Variants in MRI1 observed in about 807,000 individuals in gnomAD.
MRI1 encodes methylthioribose-1-phosphate isomerase.
In MRI1, 32 loss-of-function variants were observed where a neutral mutation model predicts 27.3. The ratio of observed to expected loss-of-function variants is 1.17; its 90% CI spans 0.88 to 1.57. The LOEUF (loss-of-function observed/expected upper bound fraction) is 1.57. Among genes scored for constraint, MRI1 ranks in the 40% most tolerant of loss-of-function variants. The pLI is 0.00. For synonymous variants in MRI1, 216 were observed against 227.4 expected (o/e 0.95, Z 0.45); for missense variants, 508 against 516.1 (o/e 0.98, Z 0.15).
chr19:13,768,324 G>C (rs1312152460), intron 3 of MRI1: 4 of 1,037,086 alleles, frequency 3.9e-6, no homozygotes, highest in Non-Finnish European at 5.9e-6. Context: ...TGATATATCA[G>C]GGAAGGCTTC....
Position 13,764,914 on chromosome 19 carries a change from T to A in MRI1, c.176T>A (p.Leu59His). The change falls in exon 2 of 6, where the codon CTC (leucine) becomes CAC (histidine). Residue 59 changes from leucine (L) to histidine (H), a missense_variant. Leu to His is a moderately conservative substitution (Grantham distance 99). Around this residue, in one of 3 missense-constraint regions of MRI1, gnomAD observed 457 missense variants for 452.8 expected, o/e 1.01. Transcript: ENST00000040663. ...PAIALVGCLSLAVELQAGAGG... is the reference protein window; with the variant it reads ...PAIALVGCLSHAVELQAGAGG... ...ATAGCCCTGGTGGGCTGTCTCAGCC[T>A]CGCCGTGGAGCTGCAGGCGGGCGCC... The A allele has an allele frequency of 6.8e-7, 1 of 1,481,146 alleles. No individual in the cohort carries two copies. The highest frequency in any genetic ancestry group is 8.9e-7 in the Non-Finnish European group (1 of 1,121,052). 91.8% of individuals were successfully genotyped at this position (1,481,146 alleles called of 1,614,324 possible). A position where few individuals can be genotyped will look rare whatever the true frequency, so the allele number is the denominator to read the frequency against.
At chr19:13,765,661 C>G (rs1599550424) in intron 2 of MRI1, among the ~76,000 whole-genome samples, 2 of 152,320 alleles carry the variant, frequency 1.3e-5, no homozygotes, top group Non-Finnish European at 2.9e-5. Context: ...CCGGCTTTTC[C>G]TTCATTTTAT....
At chr19:13,769,110 T>TATGC in intron 5 of MRI1, 62 bp downstream of exon 5, 6 of 1,363,378 alleles carry the variant, frequency 4.4e-6, no homozygotes, top group Non-Finnish European at 6.1e-6. Context: ...AGGCAGGTGA[T>TATGC]ATGCAGGTCC....
In MRI1 at chr19:13,768,544, G is replaced by A. The variant is rs778037396; in HGVS notation, c.548-17G>A. 6 of 1,598,530 alleles carry A rather than the reference G, an allele frequency of 3.8e-6. No individual in the cohort carries two copies. In the African/African-American group the frequency reaches 5.4e-5, roughly 14 times the overall value. ...CCCCTCCCCGGGGCCTTCTCCTGGT[G>A]GGTGGGGCCCCCGCAGGTGTGATTC... is the stretch of plus-strand genomic sequence containing the variant. On this transcript the variant is annotated splice_polypyrimidine_tract_variant and intron_variant, in intron 3 of 5. Coordinates refer to ENST00000040663, the MANE Select transcript of MRI1 (RefSeq NM_001031727.4).
chr19:13,770,771 T>C (rs1323780219), intron 5 of MRI1, among the ~76,000 whole-genome samples: 1 of 151,904 alleles, frequency 6.6e-6, no homozygotes, highest in Non-Finnish European at 1.5e-5. Flanking sequence ...TAACCCCAGC[T>C]ACTCAGGAGG....
chr19:13,765,807 G>A (rs1974108905), intron 2 of MRI1, 147 bp from the exon 3 acceptor site: 2 of 790,296 alleles, frequency 2.5e-6, no homozygotes, highest in Non-Finnish European at 4.0e-6. Flanking sequence ...GTGACACTTC[G>A]GTGGCCCTGG....
intron 5 of MRI1, among the ~76,000 whole-genome samples, chr19:13,770,815 G>A (rs188726843): frequency 5.9e-5 from 9 of 151,734 alleles, no homozygotes; most frequent in African/African-American, 1.9e-4. Context: ...CCCGGGAGGC[G>A]GAGGTTGCAA....
Position 13,768,702 on chromosome 19 carries a change from T to C in MRI1, c.689T>C (p.Met230Thr). Reference protein sequence around the residue: ...QIPATLITDSMVAAAMAHRGV... With the variant: ...QIPATLITDSTVAAAMAHRGV... ...CCCGCCACCCTTATCACCGACAGCA[T>C]GGTGGCTGCTGCCATGGCCCATAGG... Residue 230 changes from methionine (M) to threonine (T), a missense_variant, in exon 4 of 6, where the codon ATG (methionine) becomes ACG (threonine). Met to Thr is a moderately conservative substitution (Grantham distance 81, BLOSUM62 -1). This residue lies in a region of MRI1 where 457 missense variants were observed against 452.8 expected (regional missense o/e 1.01). Coordinates refer to ENST00000040663, the MANE Select transcript of MRI1 (RefSeq NM_001031727.4). The C allele has an allele frequency of 1.9e-6, 3 of 1,613,912 alleles. No homozygotes were observed. The highest frequency in any genetic ancestry group is 2.5e-6 in the Non-Finnish European group (3 of 1,180,002).
rs368436044 is a variant in MRI1, at chr19:13,765,970, G to A, written c.388G>A (p.Glu130Lys). Residue 130 changes from glutamate (E) to lysine (K), a missense_variant, in exon 3 of 6, where the codon GAG becomes AAG. Coordinates refer to ENST00000040663, the MANE Select transcript of MRI1 (RefSeq NM_001031727.4). ...AVRERVICCT[E>K]DMLEKDLRDN... ...TCACCCCAGAGTGATCTGCTGCACC[G>A]AGGACATGCTGGAGAAAGACCTCAG... is the stretch of plus-strand genomic sequence containing the variant. 3.1e-5 allele frequency: 49 copies of A among 1,606,344 alleles called. No homozygotes were observed. The highest frequency in any genetic ancestry group is 3.9e-5 in the Non-Finnish European group (46 of 1,175,984).
intron 2 of MRI1, among the ~76,000 whole-genome samples, 178 bp downstream of exon 2, chr19:13,765,287 C>G (rs1974098119): frequency 6.6e-6 from 1 of 152,138 alleles, no homozygotes. Context: ...GTCCAGGGCC[C>G]CACAGATGGG....
intron 3 of MRI1, among the ~76,000 whole-genome samples, chr19:13,766,479 G>A (rs954577338): frequency 6.6e-6 from 1 of 152,154 alleles, no homozygotes; most frequent in Non-Finnish European, 1.5e-5. Context: ...CCATCCCAGA[G>A]CAGTCATTCG....
Position 13,768,697 on chromosome 19 carries a change from C to A in MRI1, c.684C>A (p.Asp228Glu), listed in dbSNP as rs766937151. ...YEQIPATLIT[D>E]SMVAAAMAHR... is the part of the protein sequence containing the mutation. ...AGATCCCCGCCACCCTTATCACCGA[C>A]AGCATGGTGGCTGCTGCCATGGCCC... The change falls in exon 4 of 6, where the codon GAC becomes GAA. Residue 228 changes from aspartate to glutamate, a missense_variant. Physicochemically the swap from Asp to Glu is conservative, Grantham distance 45. Around this residue, in one of 3 missense-constraint regions of MRI1, gnomAD observed 457 missense variants for 452.8 expected, o/e 1.01. Transcript: ENST00000040663. 6.2e-7 allele frequency: 1 copy of A among 1,613,994 alleles called. No individual in the cohort carries two copies. The highest frequency in any genetic ancestry group is 8.5e-7 in the Non-Finnish European group (1 of 1,180,020).
intron 3 of MRI1, 109 bp downstream of exon 3, chr19:13,766,238 G>A (rs1355829614): frequency 6.5e-6 from 7 of 1,078,938 alleles, no homozygotes; most frequent in Non-Finnish European, 9.0e-6. Context: ...AAATGGGAAG[G>A]TACTAGTTCT....
At chr19:13,765,419 G>A (rs1456717525) in intron 2 of MRI1, among the ~76,000 whole-genome samples, 1 of 151,214 alleles carries the variant, frequency 6.6e-6, no homozygotes, top group African/African-American at 2.5e-5. Context: ...GTGTTCTCTT[G>A]GTTTCTGCTT....
chr19:13,771,681 G>GA (rs377236713), intron 5 of MRI1, among the ~76,000 whole-genome samples: 5 of 152,154 alleles, frequency 3.3e-5, no homozygotes, highest in Admixed American at 6.6e-5. Flanking sequence ...GACCAACATG[G>GA]AAAAACCTCG....
At chr19:13,766,619 G>A (rs972660820) in intron 3 of MRI1, among the ~76,000 whole-genome samples, 1 of 152,082 alleles carries the variant, frequency 6.6e-6, no homozygotes, top group African/African-American at 2.4e-5. Flanking sequence ...TGGGCTGTAG[G>A]GGGCCAAGGC....
Position 13,768,883 on chromosome 19 carries a change from AC to A in MRI1, c.786del (p.Tyr263ThrfsTer43). 6.2e-7 allele frequency: 1 copy of A among 1,613,844 alleles called. No homozygotes were observed. The highest frequency in any genetic ancestry group is 8.5e-7 in the Non-Finnish European group (1 of 1,179,850). On this transcript the variant is annotated frameshift_variant, in exon 5 of 6. Transcript: ENST00000040663. LOFTEE classifies it high-confidence loss of function. Reference protein sequence around the residue: ...ANGDTANKVGTYQLAIVAKHH... With the variant: ...ANGDTANKVGXYQLAIVAKHH... Reference sequence around the variant, plus strand: ...CGGCGACACAGCCAACAAGGTGGGCACCTACCAGCTGGCCATTGTCGCCAAG... The same window carrying A: ...CGGCGACACAGCCAACAAGGTGGGCACTACCAGCTGGCCATTGTCGCCAAG...
intron 3 of MRI1, among the ~76,000 whole-genome samples, chr19:13,767,930 G>T (rs1256304789): frequency 7.2e-6 from 1 of 139,102 alleles, no homozygotes; most frequent in Admixed American, 7.7e-5. Flanking sequence ...GTGCAGTGGC[G>T]CAGTCTCGGC....
At chr19:13,768,228 T>C (rs148483460) in intron 3 of MRI1, 6,989 of 686,362 alleles carry the variant, frequency 0.01, 59 homozygotes, top group Middle Eastern at 0.02. Context: ...AAAGGGGGGC[T>C]GCCTGTACAC....
Sources: gnomAD v4.1 joint callset for allele counts (sites outside exome capture counted in the v4.1 genomes callset) on GRCh38, gnomAD v4.1.1 for gene constraint, gnomAD v4.1.1 regional missense constraint, MANE v1.5 for transcripts, NCBI Gene and HGNC (gene_info 2026-07-23, HGNC 2026-07-21) for gene names.